CPEB3: variants seen among roughly 807,000 people sequenced by gnomAD.
CPEB3 encodes the protein cytoplasmic polyadenylation element binding protein 3, also known as cytoplasmic polyadenylation element-binding protein 3.
CPEB3 carries 20 observed loss-of-function variants against 67.2 expected under a neutral mutation model. The observed-to-expected ratio is 0.30, with a 90% CI of 0.21 to 0.43. CPEB3 has a LOEUF of 0.43. Ranked by LOEUF, CPEB3 falls within the 20% of genes least tolerant of loss-of-function variation. The pLI is 1.00. For synonymous variants in CPEB3, 376 were observed against 393.1 expected (o/e 0.96, Z 0.51); for missense variants, 746 against 968.6 (o/e 0.77, Z 3.05).
chr10:92,137,222 G>A (rs1590216671), intron 6 of CPEB3: 6 of 507,418 alleles, frequency 1.2e-5, no homozygotes, highest in South Asian at 4.8e-5. Context: ...ATGACACTAG[G>A]AGACTACATG....
At chr10:92,213,234 C>T (rs898707880) in intron 2 of CPEB3, among the ~76,000 whole-genome samples, 1 of 152,144 alleles carries the variant, frequency 6.6e-6, no homozygotes, top group Non-Finnish European at 1.5e-5. Context: ...ACTCCTGAGG[C>T]TCTGTCAAGG....
intron 7 of CPEB3, among the ~76,000 whole-genome samples, chr10:92,095,594 ATATATATTTTTTT>A (rs1197276947): frequency 3.7e-5 from 3 of 82,164 alleles, no homozygotes; most frequent in Admixed American, 1.4e-4. Context: ...ATATATATAT[ATATATATTTTTTT>A]TTTTTCATTG....
At position 92,095,604 on chromosome 10, in the gene CPEB3, T is replaced by A. The variant is rs947093483; in HGVS notation, c.1573-3660A>T. The stretch of plus-strand genomic sequence containing the variant: ...GATTTATATATATATATATATATTT[T>A]TTTTTTTTCATTGTGTATATATATA... On this transcript the variant is annotated intron_variant, in intron 7 of 9. Transcript: ENST00000265997. Among the ~76,000 whole-genome samples, 208 of 115,512 alleles carry A rather than the reference T, an allele frequency of 1.8e-3. 2 individuals carry two copies. Among genetic ancestry groups the A allele is most frequent in the African/African-American group, 6.8e-3 (113 of 16,740 alleles). The allele number at this position is 115,512 out of a possible 152,430, so 75.8% of individuals were successfully genotyped here.
intron 4 of CPEB3, among the ~76,000 whole-genome samples, chr10:92,155,733 C>A (rs747314825): frequency 2.4e-4 from 37 of 152,224 alleles, no homozygotes; most frequent in Non-Finnish European, 4.7e-4. Context: ...AACTGCAGAC[C>A]AAGAGCAGGG....
chr10:92,055,644 T>G (rs1842082008), intron 9 of CPEB3, among the ~76,000 whole-genome samples: 1 of 152,214 alleles, frequency 6.6e-6, no homozygotes, highest in Non-Finnish European at 1.5e-5. Flanking sequence ...TCTTTTAAGT[T>G]TGCAATTTCC....
chr10:92,188,932 C>T (rs1848827919), intron 3 of CPEB3, among the ~76,000 whole-genome samples: 1 of 152,178 alleles, frequency 6.6e-6, no homozygotes, highest in African/African-American at 2.4e-5. Flanking sequence ...AAACTGAATA[C>T]ATGACCAAAA....
chr10:92,248,823 G>A (rs11186872), intron 1 of CPEB3, among the ~76,000 whole-genome samples: 48,208 of 152,042 alleles, frequency 0.32, 7,975 homozygotes, highest in Admixed American at 0.43. Flanking sequence ...TCCAATGGAT[G>A]TTTGTCAGTC....
intron 2 of CPEB3, among the ~76,000 whole-genome samples, chr10:92,194,495 G>GA (rs541619563): frequency 6.6e-6 from 1 of 151,726 alleles, no homozygotes; most frequent in African/African-American, 2.4e-5. Context: ...TGGCAAAAAG[G>GA]AAAAAAAATT....
intron 2 of CPEB3, among the ~76,000 whole-genome samples, chr10:92,225,346 G>A (rs1034373378): frequency 6.6e-6 from 1 of 152,054 alleles, no homozygotes; most frequent in Non-Finnish European, 1.5e-5. Context: ...GATGCCCAAC[G>A]ATGTTCATGA....
chr10:92,186,436 ATTTT>A (rs373212390), intron 3 of CPEB3, among the ~76,000 whole-genome samples: 13 of 143,240 alleles, frequency 9.1e-5, no homozygotes, highest in East Asian at 2.1e-4. Flanking sequence ...AACTCAGGTG[ATTTT>A]TTTTTTTTTT....
intron 2 of CPEB3, among the ~76,000 whole-genome samples, chr10:92,238,340 T>C (rs1327294919): frequency 2.6e-5 from 4 of 152,310 alleles, no homozygotes; most frequent in African/African-American, 7.2e-5. Context: ...GGCTGTGGAC[T>C]AGATCAGAAA....
chr10:92,223,911 G>A (rs1279299624), intron 2 of CPEB3, among the ~76,000 whole-genome samples: 1 of 151,940 alleles, frequency 6.6e-6, no homozygotes, highest in Non-Finnish European at 1.5e-5. Context: ...ACCACACCCG[G>A]CTAATTTTTG....
At chr10:92,184,636 C>T (rs945515435) in intron 3 of CPEB3, among the ~76,000 whole-genome samples, 2 of 152,124 alleles carry the variant, frequency 1.3e-5, no homozygotes, top group East Asian at 3.9e-4. Flanking sequence ...CACTCTGGGT[C>T]GAGAAGGCCA....
At chr10:92,105,746 G>C (rs1453693841) in intron 7 of CPEB3, among the ~76,000 whole-genome samples, 1 of 125,226 alleles carries the variant, frequency 8.0e-6, no homozygotes, top group Non-Finnish European at 1.6e-5. Flanking sequence ...CTGAGACTGA[G>C]TCCTGCTCTG....
intron 1 of CPEB3, among the ~76,000 whole-genome samples, chr10:92,259,251 C>T (rs552270362): frequency 6.6e-6 from 1 of 152,034 alleles, no homozygotes; most frequent in African/African-American, 2.4e-5. Context: ...GTATGAGCCG[C>T]CACACCCAGC....
intron 9 of CPEB3, among the ~76,000 whole-genome samples, chr10:92,080,656 C>T (rs916810119): frequency 7.2e-5 from 11 of 151,926 alleles, no homozygotes; most frequent in East Asian, 1.9e-4. Flanking sequence ...TGCAGTAGCA[C>T]GATCTCGGCT....
chr10:92,203,898 A>T lies in CPEB3; in HGVS notation c.1006-11262T>A, dbSNP rs184200898. On this transcript the variant is annotated intron_variant, in intron 2 of 9. Coordinates refer to ENST00000265997, the MANE Select transcript of CPEB3 (RefSeq NM_014912.5). Reference sequence around the variant, plus strand: ...AGTCAAATAACTAATGCCATCTATCATCACAACATGCACCTTTTACATTTC... The same window carrying T: ...AGTCAAATAACTAATGCCATCTATCTTCACAACATGCACCTTTTACATTTC... Among the ~76,000 whole-genome samples the T allele has an allele frequency of 9.7e-4, 147 of 152,328 alleles. 2 individuals are homozygous for T. Among genetic ancestry groups the T allele is most frequent in the Admixed American group, 9.5e-3 (145 of 15,288 alleles).
chr10:92,216,547 C>A, intron 2 of CPEB3: 1 of 1,612,612 alleles, frequency 6.2e-7, no homozygotes, highest in South Asian at 1.1e-5. Flanking sequence ...AATTTGTCAA[C>A]AAAGGAGAAA....
chr10:92,279,705 G>GA (rs1013135071), intron 1 of CPEB3, among the ~76,000 whole-genome samples: 17 of 151,190 alleles, frequency 1.1e-4, no homozygotes, highest in Non-Finnish European at 2.1e-4. Flanking sequence ...TGCCAGGAGT[G>GA]AAAAAAAATA....
Sources: allele counts gnomAD v4.1 joint callset (sites outside exome capture counted in the v4.1 genomes callset), GRCh38; gene constraint gnomAD v4.1.1; transcripts MANE v1.5; gene names NCBI Gene and HGNC (gene_info 2026-07-23, HGNC 2026-07-21).